MAPK10: variants seen among roughly 807,000 people sequenced by gnomAD.
MAPK10 encodes JNK3 alpha protein kinase.
Under a neutral mutation model 59.3 loss-of-function variants are expected in MAPK10, and 25 were observed. The observed-to-expected ratio is 0.42, with a 90% CI of 0.31 to 0.59. The LOEUF (loss-of-function observed/expected upper bound fraction) is 0.59. MAPK10 is among the 20% of genes least tolerant of loss of function. MAPK10 has a pLI of 0.15. For synonymous variants in MAPK10, 190 were observed against 200.5 expected (o/e 0.95, Z 0.44); for missense variants, 351 against 568.9 (o/e 0.62, Z 3.90).
intron 4 of MAPK10, among the ~76,000 whole-genome samples, chr4:86,114,569 A>G (rs1323672380): frequency 6.6e-6 from 1 of 152,210 alleles, no homozygotes; most frequent in Non-Finnish European, 1.5e-5. Context: ...TGGAAGCTCC[A>G]TACCAGAGGG....
At chr4:86,221,391 C>A (rs996728903) in intron 2 of MAPK10, among the ~76,000 whole-genome samples, 12 of 152,054 alleles carry the variant, frequency 7.9e-5, no homozygotes, top group Non-Finnish European at 1.5e-4. Context: ...ATTGCAGTAA[C>A]CAAGCATATT....
intron 9 of MAPK10, among the ~76,000 whole-genome samples, chr4:86,075,630 C>A (rs1363704302): frequency 1.3e-5 from 2 of 151,852 alleles, no homozygotes; most frequent in Non-Finnish European, 2.9e-5. Flanking sequence ...CCCTCAGCTG[C>A]AGGTCTGTTG....
At chr4:86,075,241 C>G (rs1579721496) in intron 9 of MAPK10, among the ~76,000 whole-genome samples, 1 of 152,240 alleles carries the variant, frequency 6.6e-6, no homozygotes, top group East Asian at 1.9e-4. Context: ...GTTTTCAGCT[C>G]CATCAGCTCC....
intron 2 of MAPK10, among the ~76,000 whole-genome samples, chr4:86,278,894 T>C (rs542951918): frequency 6.6e-6 from 1 of 152,202 alleles, no homozygotes; most frequent in Admixed American, 6.5e-5. Context: ...TATCACAGAT[T>C]GGAGGGGATT....
chr4:86,270,048 A>G (rs892385866), intron 2 of MAPK10, among the ~76,000 whole-genome samples: 1 of 152,096 alleles, frequency 6.6e-6, no homozygotes, highest in African/African-American at 2.4e-5. Context: ...AAATACAAAT[A>G]TTATGATTAA....
chr4:86,242,124 C>A (rs574375544), intron 2 of MAPK10, among the ~76,000 whole-genome samples: 3 of 152,090 alleles, frequency 2.0e-5, no homozygotes, highest in Non-Finnish European at 2.9e-5. Flanking sequence ...AGGGCTCCTG[C>A]AGTTTGCTGG....
At chr4:86,355,328 C>A (rs1733860424) in intron 1 of MAPK10, among the ~76,000 whole-genome samples, 1 of 152,008 alleles carries the variant, frequency 6.6e-6, no homozygotes, top group South Asian at 2.1e-4. Context: ...AGTTTCTTTC[C>A]TGCCCAGGTG....
intron 2 of MAPK10, among the ~76,000 whole-genome samples, chr4:86,266,072 C>T (rs141645435): frequency 3.3e-4 from 50 of 152,228 alleles, no homozygotes; most frequent in Middle Eastern, 3.4e-3. Flanking sequence ...ATGTGGTAAA[C>T]TTGTTTGGCA....
chr4:86,088,277 G>A (rs764059285), intron 9 of MAPK10, among the ~76,000 whole-genome samples: 2 of 152,144 alleles, frequency 1.3e-5, no homozygotes, highest in Non-Finnish European at 2.9e-5. Flanking sequence ...GACACTGGGG[G>A]CTCAAGCTAT....
rs1380816803 is a variant in MAPK10, at chr4:86,013,246, C to A, written c.*3982G>T. The A allele has an allele frequency of 6.6e-6, 1 of 152,134 alleles. No homozygotes were observed. The highest frequency in any genetic ancestry group is 1.9e-4 in the East Asian group (1 of 5,192). The allele number at this position is 152,134 out of a possible 1,614,324, so 9.4% of individuals were successfully genotyped here. A position where few individuals can be genotyped will look rare whatever the true frequency, so the allele number is the denominator to read the frequency against. ...ATAGCTAAAATAACTATTTACATTGCAACTTTTTTGTTGTTTTTACAGAGA... is the reference window on the plus strand; with the variant it reads ...ATAGCTAAAATAACTATTTACATTGAAACTTTTTTGTTGTTTTTACAGAGA... On this transcript the variant is annotated 3_prime_UTR_variant, in exon 14 of 14. Coordinates refer to ENST00000641462, the MANE Select transcript of MAPK10 (RefSeq NM_138982.4).
At chr4:86,437,077 G>C (rs1748839151) in intron 1 of MAPK10, among the ~76,000 whole-genome samples, 1 of 152,008 alleles carries the variant, frequency 6.6e-6, no homozygotes. Flanking sequence ...AGCCAGGCGT[G>C]GTGGCAGGCA....
chr4:86,290,784 T>C (rs2095198898), intron 2 of MAPK10, among the ~76,000 whole-genome samples: 1 of 152,166 alleles, frequency 6.6e-6, no homozygotes, highest in Non-Finnish European at 1.5e-5. Flanking sequence ...AAGTTGACCT[T>C]TTTCCTTTCA....
intron 1 of MAPK10, among the ~76,000 whole-genome samples, chr4:86,484,503 T>G (rs1232426253): frequency 6.6e-6 from 1 of 152,204 alleles, no homozygotes; most frequent in Non-Finnish European, 1.5e-5. Flanking sequence ...ATACTTTACT[T>G]GCTTTGTGAC....
chr4:86,195,407 C>T (rs1446470100), intron 2 of MAPK10, among the ~76,000 whole-genome samples: 1 of 150,924 alleles, frequency 6.6e-6, no homozygotes, highest in Non-Finnish European at 1.5e-5. Context: ...CACAAAACAT[C>T]TTTCAGAATG....
At position 86,374,415 on chromosome 4, in the gene MAPK10, A is replaced by T. The variant is rs562902803; in HGVS notation, c.-121-19771T>A. Among the ~76,000 whole-genome samples, 114 of 152,268 alleles carry T rather than the reference A, an allele frequency of 7.5e-4. 1 individual carries two copies. Among genetic ancestry groups the T allele is most frequent in the African/African-American group, 1.9e-3 (79 of 41,546 alleles). On this transcript the variant is annotated intron_variant, in intron 1 of 13. Coordinates refer to the MAPK10 transcript ENST00000361569. ...GAACTTAAAGCATAATAAAAAAAAA[A>T]TTTTTAAAAAGATGTATCCCTCATT...
chr4:86,214,295 G>T (rs1292172436), intron 2 of MAPK10, among the ~76,000 whole-genome samples: 4 of 151,850 alleles, frequency 2.6e-5, no homozygotes, highest in Non-Finnish European at 5.9e-5. Flanking sequence ...TTGTGAAAGA[G>T]CAAAAGATAT....
intron 1 of MAPK10, among the ~76,000 whole-genome samples, chr4:86,592,672 C>G (rs1763142794): frequency 1.3e-5 from 2 of 152,222 alleles, no homozygotes; most frequent in Admixed American, 6.5e-5. Context: ...CAATCATCCA[C>G]TTGTGTTTCC....
At chr4:86,587,352 A>T (rs1338291534) in intron 1 of MAPK10, among the ~76,000 whole-genome samples, 2 of 152,208 alleles carry the variant, frequency 1.3e-5, no homozygotes, top group Non-Finnish European at 2.9e-5. Context: ...AGCTACTACC[A>T]AAAGAAAATA....
intron 11 of MAPK10, among the ~76,000 whole-genome samples, chr4:86,048,343 T>C (rs2042896518): frequency 6.6e-6 from 1 of 151,892 alleles, no homozygotes; most frequent in Admixed American, 6.6e-5. Flanking sequence ...CTAAAGAAAA[T>C]GAGTTAACTT....
Sources: gnomAD v4.1 joint callset for allele counts (sites outside exome capture counted in the v4.1 genomes callset) on GRCh38, gnomAD v4.1.1 for gene constraint, MANE v1.5 for transcripts, NCBI Gene and HGNC (gene_info 2026-07-23, HGNC 2026-07-21) for gene names.